Variants in BFSP1 observed in about 807,000 individuals in gnomAD.
BFSP1 encodes beaded filament structural protein 1, also known as filensin.
Under a neutral mutation model 43.9 loss-of-function variants are expected in BFSP1, and 38 were observed. That is an observed-to-expected ratio of 0.87 (90% CI 0.67 to 1.14). The LOEUF is 1.14. Ranked by LOEUF, BFSP1 falls within the 50% of genes most tolerant of loss-of-function variation. The pLI is 0.00. For synonymous variants in BFSP1, 352 were observed against 354.8 expected, an observed-to-expected ratio of 0.99 and a Z score of 0.09; for missense variants, 850 against 875.1, an observed-to-expected ratio of 0.97 and a Z score of 0.36.
At position 17,498,942 on chromosome 20, in the gene BFSP1, A is replaced by C. The variant is rs534649656; in HGVS notation, c.834T>G (p.Ile278Met). 2.0e-5 allele frequency: 33 copies of C among 1,614,142 alleles called. No homozygotes were observed. The South Asian group carries it at 3.3e-4, about 16-fold the overall frequency. Residue 278 changes from isoleucine to methionine, a missense_variant, in exon 6 of 8, where the codon ATT becomes ATG. Transcript: ENST00000377873. ...TCTCCAGGACCCGCTCTGTCTCCTC[A>C]ATCTCCTTGCGCAGTGTCTCAATCT... ...NEQIETLRKE[I>M]EETERVLEKS...
At chr20:17,529,074 T>TGTGTGTGC (rs2034479576) in intron 1 of BFSP1, among the ~76,000 whole-genome samples, 1 of 151,120 alleles carries the variant, frequency 6.6e-6, no homozygotes, top group African/African-American at 2.5e-5. Context: ...AGTGTGTGTG[T>TGTGTGTGC]GTGTGTGTGT....
Position 17,504,427 on chromosome 20 carries a change from G to C in BFSP1, c.735+4462C>G, listed in dbSNP as rs1044213836. On this transcript the variant is annotated intron_variant, in intron 5 of 7. Transcript: ENST00000377873. ...CCTGTGACGAGAGCCACTGTGGCAC[G>C]GCGTCCACTGCCACCCAGCACCAGC... 3.3e-5 allele frequency among the ~76,000 whole-genome samples: 5 copies of C among 152,234 alleles called. No individual in the cohort carries two copies. In the East Asian group the frequency reaches 7.7e-4, roughly 24 times the overall value.
intron 1 of BFSP1, among the ~76,000 whole-genome samples, chr20:17,555,256 C>T (rs2034970773): frequency 1.5e-5 from 2 of 136,744 alleles, no homozygotes. Flanking sequence ...TGTTGCGCTC[C>T]AGCCTGGGTG....
At chr20:17,535,002 C>CA (rs2034604196), upstream of BFSP1, among the ~76,000 whole-genome samples, 1 of 151,906 alleles carries the variant, frequency 6.6e-6, no homozygotes, top group Admixed American at 6.6e-5. Flanking sequence ...ACCTAGGTGA[C>CA]AGAGTGAGAC....
intron 3 of BFSP1, among the ~76,000 whole-genome samples, chr20:17,514,262 C>A (rs936238658): frequency 5.9e-5 from 9 of 152,118 alleles, no homozygotes; most frequent in South Asian, 2.1e-4. Flanking sequence ...TATGCCAGGG[C>A]CCCCCAGAAT....
intron 1 of BFSP1, among the ~76,000 whole-genome samples, chr20:17,546,097 T>A (rs991712657): frequency 6.6e-6 from 1 of 152,222 alleles, no homozygotes; most frequent in African/African-American, 2.4e-5. Flanking sequence ...TTCGCACTGC[T>A]ATAAAGAACT....
upstream of BFSP1, among the ~76,000 whole-genome samples, chr20:17,559,515 G>T (rs933417577): frequency 6.6e-6 from 1 of 152,154 alleles, no homozygotes; most frequent in Non-Finnish European, 1.5e-5. Flanking sequence ...AGGTCCTATG[G>T]CTACTTAACA....
chr20:17,565,668 T>C (rs2035110386), intron 1 of BFSP1: 1 of 152,234 alleles, frequency 6.6e-6, no homozygotes, highest in Non-Finnish European at 1.5e-5. Flanking sequence ...TGTTAGTCCA[T>C]ACAGCAAACT....
intron 1 of BFSP1, among the ~76,000 whole-genome samples, chr20:17,547,026 C>CAAAAAAA (rs11324389): frequency 1.3e-5 from 1 of 77,592 alleles, no homozygotes; most frequent in African/African-American, 5.2e-5. Flanking sequence ...GACTCCATCT[C>CAAAAAAA]AAAAAAAAAA....
chr20:17,544,716 C>T lies in BFSP1; in HGVS notation c.2+13972G>A, dbSNP rs147292136. ...GAACCTCTTACCACCTCCTGAATATCCATCACCTAAAATTACAGATGTATC... is the reference window on the plus strand; with the variant it reads ...GAACCTCTTACCACCTCCTGAATATTCATCACCTAAAATTACAGATGTATC... On this transcript the variant is annotated intron_variant, in intron 1 of 7. Transcript: ENST00000377868. Among the ~76,000 whole-genome samples the T allele has an allele frequency of 8.7e-3, 1,318 of 152,272 alleles. 9 individuals are homozygous for T. Among genetic ancestry groups the T allele is most frequent in the Admixed American group, 0.021 (324 of 15,298 alleles).
chr20:17,498,363 G>T (rs1055669678), intron 6 of BFSP1, among the ~76,000 whole-genome samples: 7 of 152,178 alleles, frequency 4.6e-5, no homozygotes, highest in African/African-American at 1.7e-4. Context: ...GACTCAGCAA[G>T]GTGCTAAGAA....
upstream of BFSP1, among the ~76,000 whole-genome samples, chr20:17,562,398 G>A (rs1746774540): frequency 6.6e-6 from 1 of 151,474 alleles, no homozygotes; most frequent in African/African-American, 2.4e-5. Context: ...GTGGTGGCAC[G>A]CACCTGTAAT....
intron 4 of BFSP1, among the ~76,000 whole-genome samples, chr20:17,509,698 G>A (rs1156936549): frequency 2.0e-5 from 3 of 152,206 alleles, no homozygotes; most frequent in Admixed American, 6.5e-5. Flanking sequence ...CGAGCCATAC[G>A]CTGTGCTCGG....
At chr20:17,550,659 G>C (rs188329058) in intron 1 of BFSP1, among the ~76,000 whole-genome samples, 27 of 152,220 alleles carry the variant, frequency 1.8e-4, no homozygotes, top group African/African-American at 6.5e-4. Flanking sequence ...TTTTAGTAGA[G>C]ATGGGGTTTC....
chr20:17,548,560 G>A (rs1190005848), intron 1 of BFSP1, among the ~76,000 whole-genome samples: 1 of 152,062 alleles, frequency 6.6e-6, no homozygotes, highest in African/African-American at 2.4e-5. Context: ...GGGGTTCTTG[G>A]GCCATTAGAA....
Position 17,558,601 on chromosome 20 carries a change from G to A in BFSP1, c.2+87C>T, listed in dbSNP as rs767760011. On this transcript the variant is annotated intron_variant, in intron 1 of 7. Transcript: ENST00000377868. ...GCAACCCGCTTGCTGTACCTTCTAC[G>A]GGAGTTTCTTTCCTAGAGTTCTTTA... is the stretch of plus-strand genomic sequence containing the variant. The A allele has an allele frequency of 4.5e-4, 630 of 1,400,272 alleles. 2 individuals carry two copies. Among genetic ancestry groups the A allele is most frequent in the Non-Finnish European group, 5.7e-4 (581 of 1,018,972 alleles). 86.7% of individuals were successfully genotyped at this position (1,400,272 alleles called of 1,614,324 possible). A position where few individuals can be genotyped will look rare whatever the true frequency, so the allele number is the denominator to read the frequency against.
At chr20:17,558,175 GAAAAAT>G (rs2035025826) in intron 1 of BFSP1, among the ~76,000 whole-genome samples, 2 of 148,460 alleles carry the variant, frequency 1.3e-5, no homozygotes, top group Admixed American at 1.3e-4. Context: ...TTTTTTAGGA[GAAAAAT>G]ACTTGTCTCT....
At chr20:17,542,134 T>G (rs2123561750) in intron 1 of BFSP1, among the ~76,000 whole-genome samples, 1 of 152,220 alleles carries the variant, frequency 6.6e-6, no homozygotes, top group East Asian at 1.9e-4. Flanking sequence ...TGCAGGAGTG[T>G]TCTGGAGTTG....
At chr20:17,533,654 A>G (rs1049791623), upstream of BFSP1, among the ~76,000 whole-genome samples, 1 of 152,218 alleles carries the variant, frequency 6.6e-6, no homozygotes, top group Non-Finnish European at 1.5e-5. Flanking sequence ...AGTCAAGAGG[A>G]AGCAAGGAGG....
Sources: gnomAD v4.1 joint callset for allele counts (sites outside exome capture counted in the v4.1 genomes callset) on GRCh38, gnomAD v4.1.1 for gene constraint, MANE v1.5 for transcripts, NCBI Gene and HGNC (gene_info 2026-07-23, HGNC 2026-07-21) for gene names.